EP300: variants seen among roughly 807,000 people sequenced by gnomAD.
EP300 encodes EP300 lysine acetyltransferase, also known as histone acetyltransferase p300.
In EP300, 31 loss-of-function variants were observed where a neutral mutation model predicts 264.0. The ratio of observed to expected loss-of-function variants is 0.12; its 90% CI spans 0.09 to 0.16. The LOEUF is 0.16. EP300 is among the 10% of genes least tolerant of loss of function. The pLI, the probability that EP300 is intolerant of heterozygous loss-of-function variation, is 1.00. For synonymous variants in EP300, 1,340 were observed against 1,045.4 expected (o/e 1.28, Z -5.44); for missense variants, 2,766 against 3,052.9 (o/e 0.91, Z 2.21).
At chr22:41,105,984 T>C (rs1240628947) in intron 1 of EP300, among the ~76,000 whole-genome samples, 1 of 152,184 alleles carries the variant, frequency 6.6e-6, no homozygotes, top group Non-Finnish European at 1.5e-5. Flanking sequence ...ATGGATATTT[T>C]ATTTTAATTT....
intron 7 of EP300, among the ~76,000 whole-genome samples, chr22:41,136,478 C>CT (rs2058951529): frequency 6.6e-6 from 1 of 152,118 alleles, no homozygotes; most frequent in African/African-American, 2.4e-5. Flanking sequence ...GGCAATATGT[C>CT]AAGACGTCTT....
chr22:41,106,325 A>G (rs1257387883), intron 1 of EP300, among the ~76,000 whole-genome samples: 1 of 152,224 alleles, frequency 6.6e-6, no homozygotes, highest in Non-Finnish European at 1.5e-5. Context: ...TATCAGAATT[A>G]GAATGACTAA....
At chr22:41,103,434 A>G (rs2058742370) in intron 1 of EP300, among the ~76,000 whole-genome samples, 1 of 152,224 alleles carries the variant, frequency 6.6e-6, no homozygotes, top group Non-Finnish European at 1.5e-5. Context: ...ACATGTCCAC[A>G]CAGTTTTCCC....
chr22:41,120,041 T>C (rs2145700508), intron 2 of EP300, among the ~76,000 whole-genome samples: 1 of 152,292 alleles, frequency 6.6e-6, no homozygotes. Context: ...TGTGAACTCC[T>C]GACCTCAAGT....
intron 10 of EP300, among the ~76,000 whole-genome samples, chr22:41,144,862 A>T (rs573306145): frequency 2.8e-4 from 43 of 152,124 alleles, no homozygotes; most frequent in African/African-American, 9.9e-4. Context: ...AAATCAGAAG[A>T]TTTTGCATTT....
rs751407190 is a variant in EP300 at position 41,180,023 on chromosome 22, CTG to C, written c.*1069_*1070del. 17 of 231,128 alleles carry C rather than the reference CTG, an allele frequency of 7.4e-5. No individual in the cohort carries two copies. Among genetic ancestry groups the C allele is most frequent in the East Asian group, 3.7e-4 (6 of 16,272 alleles). The allele number at this position is 231,128 out of a possible 1,614,324, so 14.3% of individuals were successfully genotyped here. ...TATGAACTTTGGATCACTGTATAGA[CTG>C]TTAAATTTGATTTCTTATTACCTAT... On this transcript the variant is annotated 3_prime_UTR_variant, in exon 31 of 31. Transcript: ENST00000263253.
chr22:41,175,779 C>T (rs2059197010), intron 29 of EP300, among the ~76,000 whole-genome samples: 1 of 152,202 alleles, frequency 6.6e-6, no homozygotes, highest in African/African-American at 2.4e-5. Context: ...CATTGTTACT[C>T]TGAAGGAGTT....
rs2059217175 is a variant in EP300 at position 41,178,507 on chromosome 22, C to A, written c.6796C>A (p.Gln2266Lys). 6.2e-7 allele frequency: 1 copy of A among 1,601,976 alleles called. No homozygotes were observed. Among genetic ancestry groups the A allele is most frequent in the Non-Finnish European group, 8.6e-7 (1 of 1,168,756 alleles). The change falls in exon 31 of 31, where the codon CAG (glutamine) becomes AAG (lysine). Residue 2266 changes from glutamine to lysine, a missense_variant. Physicochemically the swap from Gln to Lys is moderately conservative, Grantham distance 53 (BLOSUM62 1). Coordinates refer to ENST00000263253, the MANE Select transcript of EP300 (RefSeq NM_001429.4). ...SLQAYQQRLL[Q>K]QQMGSPVQPN... ...ACAGGCCTATCAGCAGCGACTCCTTCAGCAACAGATGGGGTCCCCTGTTCA... is the reference window on the plus strand; with the variant it reads ...ACAGGCCTATCAGCAGCGACTCCTTAAGCAACAGATGGGGTCCCCTGTTCA...
rs148504625 is a variant in EP300 at position 41,178,395 on chromosome 22, G to A, written c.6684G>A (p.Gln2228=). ...CACCACAGCAGCAGCAGCGGATGCA[G>A]CATCACATGCAACAGATGCAACAAG... ...GYPPQQQQRM[Q]HHMQQMQQGN... is the part of the protein sequence containing the mutation. Residue 2228 remains glutamine (Q), a synonymous_variant, in exon 31 of 31, where the codon CAG becomes CAA. Transcript: ENST00000263253. 2.4e-4 allele frequency: 386 copies of A among 1,614,180 alleles called. No individual in the cohort carries two copies. Among genetic ancestry groups the A allele is most frequent in the Non-Finnish European group, 3.1e-4 (369 of 1,180,040 alleles).
intron 2 of EP300, among the ~76,000 whole-genome samples, chr22:41,119,109 C>T (rs59972028): frequency 6.8e-6 from 1 of 147,644 alleles, no homozygotes; most frequent in African/African-American, 2.5e-5. Context: ...CTTAAACAGT[C>T]TTCTCGCCTC....
Position 41,139,938 on chromosome 22 carries a change from A to G in EP300, c.1761-202A>G, listed in dbSNP as rs1251180763. On this transcript the variant is annotated intron_variant, in intron 8 of 30. Transcript: ENST00000263253. ...ACAGGGACCAAAGAGTATTTTTTAT[A>G]GAGTCATTTCTTATATTGTGAACGG... Among the ~76,000 whole-genome samples the G allele has an allele frequency of 2.6e-5, 4 of 152,218 alleles. No individual in the cohort carries two copies. The East Asian group carries it at 5.8e-4, about 22-fold the overall frequency.
intron 9 of EP300, 103 bp from the exon 10 acceptor site, chr22:41,140,945 A>T: frequency 9.0e-7 from 1 of 1,116,028 alleles, no homozygotes; most frequent in Non-Finnish European, 1.3e-6. Flanking sequence ...TTAATGCAGC[A>T]TATAAAATGA....
At chr22:41,100,829 C>G (rs1399576046) in intron 1 of EP300, among the ~76,000 whole-genome samples, 3 of 151,806 alleles carry the variant, frequency 2.0e-5, no homozygotes, top group African/African-American at 7.3e-5. Flanking sequence ...CCAGCAGATA[C>G]CAAGGGACAA....
chr22:41,164,607 A>T (rs2059125028), intron 22 of EP300, among the ~76,000 whole-genome samples: 1 of 152,114 alleles, frequency 6.6e-6, no homozygotes, highest in African/African-American at 2.4e-5. Context: ...GCTACTCAGG[A>T]GGGAGGCTGA....
At chr22:41,099,647 A>G (rs2145674888) in intron 1 of EP300, among the ~76,000 whole-genome samples, 1 of 152,188 alleles carries the variant, frequency 6.6e-6, no homozygotes. Flanking sequence ...TTCATTCCTT[A>G]TTAAGTCAAG....
chr22:41,178,947 C>G lies in EP300; in HGVS notation c.7236C>G (p.Asp2412Glu), dbSNP rs149981675. Reference protein sequence around the residue: ...LNSNLSQSTLDIH With the variant: ...LNSNLSQSTLEIH ...CAAACCTCTCACAGAGTACACTAGA[C>G]ATACACTAGAGACACCTTGTAGTAT... The change falls in exon 31 of 31, where the codon GAC (aspartate) becomes GAG (glutamate). Residue 2412 changes from aspartate (D) to glutamate (E), a missense_variant. Asp to Glu is a conservative substitution (Grantham distance 45). Transcript: ENST00000263253. 6.2e-6 allele frequency: 10 copies of G among 1,612,796 alleles called. No homozygotes were observed. The highest frequency in any genetic ancestry group is 7.6e-6 in the Non-Finnish European group (9 of 1,179,696).
At chr22:41,166,391 C>A (rs555980610) in intron 22 of EP300, among the ~76,000 whole-genome samples, 14 of 152,320 alleles carry the variant, frequency 9.2e-5, no homozygotes, top group Admixed American at 8.5e-4. Flanking sequence ...ATATGCCCTT[C>A]ATGTTTCTTC....
chr22:41,110,085 A>G (rs1478911922), intron 1 of EP300, among the ~76,000 whole-genome samples: 3 of 144,878 alleles, frequency 2.1e-5, no homozygotes, highest in Non-Finnish European at 4.5e-5. Flanking sequence ...CTGGGATTAC[A>G]GGTGTGACCC....
chr22:41,150,013 C>T lies in EP300; in HGVS notation c.2632C>T (p.Leu878=), dbSNP rs780654334. 5 of 1,613,940 alleles carry T rather than the reference C, an allele frequency of 3.1e-6. No individual in the cohort carries two copies. The highest frequency in any genetic ancestry group is 1.3e-5 in the African/African-American group (1 of 74,900). Residue 878 remains leucine (L), a synonymous_variant, in exon 14 of 31, where the codon CTA becomes TTA. Transcript: ENST00000263253. ...AMPPGPQSQA[L]HPPPRQTPTP... ...GCCACCTGGGCCACAGTCCCAGGCT[C>T]TACATCCCCCTCCAAGGCAGACACC...
Sources: gnomAD v4.1 joint callset for allele counts (sites outside exome capture counted in the v4.1 genomes callset) on GRCh38, gnomAD v4.1.1 for gene constraint, MANE v1.5 for transcripts, NCBI Gene and HGNC (gene_info 2026-07-23, HGNC 2026-07-21) for gene names.